Variants in CNBD1 observed in about 807,000 individuals in gnomAD.
CNBD1 encodes cyclic nucleotide-binding domain-containing protein 1.
Under a neutral mutation model 54.4 loss-of-function variants are expected in CNBD1, and 71 were observed. The observed-to-expected ratio is 1.30, with a 90% CI of 1.08 to 1.59. The LOEUF is 1.59. Ranked by LOEUF, CNBD1 falls within the 40% of genes most tolerant of loss-of-function variation. The probability of loss-of-function intolerance (pLI) is 0.00; values close to 1 mark genes in which losing one functional copy is unlikely to be tolerated. For synonymous variants in CNBD1, 182 were observed against 170.7 expected (o/e 1.07, Z -0.51); for missense variants, 659 against 518.0 (o/e 1.27, Z -2.64).
rs1422284896 is a variant in CNBD1, at chr8:87,351,698, TG to T, written c.1058del (p.Gly353GlufsTer3). ...FPPGHVIVESGNIISFVGYIN... is the reference protein window; with the variant it reads ...FPPGHVIVESXNIISFVGYIN... ...TCTTCTTTTCAGTGATAGTGGAAAG[TG>T]GAAATATAATTTCTTTTGTGGGTTA... On this transcript the variant is annotated frameshift_variant, in exon 9 of 11. Coordinates refer to ENST00000518476, the MANE Select transcript of CNBD1 (RefSeq NM_173538.3). LOFTEE classifies it high-confidence loss of function. 1.2e-5 allele frequency: 18 copies of T among 1,518,078 alleles called. No individual in the cohort carries two copies. Among genetic ancestry groups the T allele is most frequent in the Non-Finnish European group, 1.5e-5 (17 of 1,137,530 alleles). 94.0% of individuals were successfully genotyped at this position (1,518,078 alleles called of 1,614,324 possible). A position where few individuals can be genotyped will look rare whatever the true frequency, so the allele number is the denominator to read the frequency against.
At position 87,317,828 on chromosome 8, in the gene CNBD1, A is replaced by T. The variant is rs182990290; in HGVS notation, c.1042+31157A>T. 1.6e-3 allele frequency among the ~76,000 whole-genome samples: 241 copies of T among 152,056 alleles called. 1 individual carries two copies. The highest frequency in any genetic ancestry group is 6.8e-3 in the Middle Eastern group (2 of 294). The stretch of plus-strand genomic sequence containing the variant: ...TCTGAGTACACTCTAAATACATAAG[A>T]TTAGGCTCACTGAATTTGTCCCATG... On this transcript the variant is annotated intron_variant, in intron 8 of 10. Transcript: ENST00000518476.
intron 4 of CNBD1, among the ~76,000 whole-genome samples, chr8:87,159,690 A>C (rs1478783082): frequency 6.6e-6 from 1 of 151,992 alleles, no homozygotes; most frequent in East Asian, 1.9e-4. Context: ...TCTGAGTAGC[A>C]CCTCTGCAGC....
intron 4 of CNBD1, among the ~76,000 whole-genome samples, chr8:87,153,660 A>G (rs1812652609): frequency 6.6e-6 from 1 of 152,242 alleles, no homozygotes; most frequent in Non-Finnish European, 1.5e-5. Flanking sequence ...TTGTTTATCC[A>G]TTCAATGGCT....
intron 4 of CNBD1, among the ~76,000 whole-genome samples, chr8:87,060,021 C>T (rs994154293): frequency 3.3e-5 from 5 of 152,242 alleles, no homozygotes; most frequent in African/African-American, 1.2e-4. Flanking sequence ...GGACCCTCTG[C>T]CCTGGGGTGA....
chr8:87,420,728 C>T (rs959893082), intron 2 of CNBD1, among the ~76,000 whole-genome samples: 1 of 151,386 alleles, frequency 6.6e-6, no homozygotes, highest in Non-Finnish European at 1.5e-5. Context: ...TTTTGTTTTA[C>T]CTACATGTTA....
At chr8:87,096,173 G>C (rs957517624) in intron 4 of CNBD1, among the ~76,000 whole-genome samples, 2 of 152,114 alleles carry the variant, frequency 1.3e-5, no homozygotes, top group Non-Finnish European at 2.9e-5. Context: ...AAATACCATA[G>C]ACTGGGCAAC....
At chr8:87,144,355 G>A (rs1442632199) in intron 4 of CNBD1, among the ~76,000 whole-genome samples, 3 of 152,148 alleles carry the variant, frequency 2.0e-5, no homozygotes, top group Non-Finnish European at 4.4e-5. Context: ...AGTCACCATG[G>A]TTGATATATA....
At chr8:87,158,727 T>A (rs915404199) in intron 4 of CNBD1, among the ~76,000 whole-genome samples, 6 of 152,148 alleles carry the variant, frequency 3.9e-5, no homozygotes, top group Non-Finnish European at 1.5e-5. Flanking sequence ...GTTTATGGAC[T>A]TTTTACACTG....
At chr8:87,227,020 T>A (rs1050996636) in intron 5 of CNBD1, among the ~76,000 whole-genome samples, 2 of 150,936 alleles carry the variant, frequency 1.3e-5, no homozygotes, top group African/African-American at 2.4e-5. Flanking sequence ...CTTTTGATCT[T>A]TGTTGGTTTG....
chr8:87,348,525 C>A (rs1810219133), intron 8 of CNBD1, among the ~76,000 whole-genome samples: 1 of 152,040 alleles, frequency 6.6e-6, no homozygotes, highest in Admixed American at 6.6e-5. Flanking sequence ...ACTTTTCTTC[C>A]TTTAGTAGTC....
chr8:87,253,082 C>T (rs1807942051), intron 6 of CNBD1, among the ~76,000 whole-genome samples: 1 of 152,106 alleles, frequency 6.6e-6, no homozygotes, highest in Non-Finnish European at 1.5e-5. Context: ...AAGCAGAGGT[C>T]AGACTACGTC....
chr8:87,143,843 T>TA (rs533969049), intron 4 of CNBD1, among the ~76,000 whole-genome samples: 135 of 152,274 alleles, frequency 8.9e-4, no homozygotes, highest in African/African-American at 3.1e-3. Flanking sequence ...ATGTAATTTT[T>TA]AAAAAACATT....
At chr8:87,427,525 T>G in intron 2 of CNBD1, among the ~76,000 whole-genome samples, 1 of 152,124 alleles carries the variant, frequency 6.6e-6, no homozygotes, top group East Asian at 1.9e-4. Context: ...AATATGGAGA[T>G]TACATAAGCC....
intron 8 of CNBD1, among the ~76,000 whole-genome samples, chr8:87,336,055 T>C (rs1809939594): frequency 6.6e-6 from 1 of 152,206 alleles, no homozygotes; most frequent in African/African-American, 2.4e-5. Context: ...GGTTTTCTGC[T>C]GAGAGATCCA....
intron 1 of CNBD1, among the ~76,000 whole-genome samples, chr8:86,877,917 A>G (rs917011788): frequency 2.0e-5 from 3 of 151,894 alleles, no homozygotes; most frequent in Non-Finnish European, 4.4e-5. Context: ...GTCTATGGCT[A>G]TATTTTCTTA....
intron 6 of CNBD1, among the ~76,000 whole-genome samples, chr8:87,252,127 T>C (rs1483098531): frequency 6.6e-6 from 1 of 152,174 alleles, no homozygotes; most frequent in Non-Finnish European, 1.5e-5. Context: ...TCCATTCTGT[T>C]ATAATCAGAA....
intron 1 of CNBD1, among the ~76,000 whole-genome samples, chr8:86,884,171 C>CAA (rs200476797): frequency 7.0e-6 from 1 of 143,118 alleles, no homozygotes; most frequent in African/African-American, 2.6e-5. Context: ...CAAAACAAAA[C>CAA]AAAACAAAAA....
intron 3 of CNBD1, among the ~76,000 whole-genome samples, chr8:86,937,420 C>G (rs986249408): frequency 6.6e-6 from 1 of 152,098 alleles, no homozygotes; most frequent in Non-Finnish European, 1.5e-5. Context: ...ATTTCAAAAC[C>G]AATTGTACCT....
chr8:87,388,835 C>T (rs1277242236), intron 2 of CNBD1, among the ~76,000 whole-genome samples: 4 of 152,046 alleles, frequency 2.6e-5, no homozygotes, highest in African/African-American at 9.7e-5. Flanking sequence ...TGATTAACAT[C>T]GATGCAAAAT....
Sources: allele counts gnomAD v4.1 joint callset (sites outside exome capture counted in the v4.1 genomes callset), GRCh38; gene constraint gnomAD v4.1.1; transcripts MANE v1.5; gene names NCBI Gene and HGNC (gene_info 2026-07-23, HGNC 2026-07-21).